The following ARL15 variants were observed in gnomAD, a reference collection of about 807,000 sequenced individuals.
ARL15 encodes ARF like GTPase 15.
Under a neutral mutation model 25.2 loss-of-function variants are expected in ARL15, and 19 were observed. That is an observed-to-expected ratio of 0.75 (90% CI 0.53 to 1.10). ARL15 has a LOEUF of 1.10. Ranked by LOEUF, ARL15 falls within the 50% of genes least tolerant of loss-of-function variation. The pLI, the probability that ARL15 is intolerant of heterozygous loss-of-function variation, is 0.00. For missense variants in ARL15, 220 were observed against 246.0 expected, an observed-to-expected ratio of 0.89 and a Z score of 0.71; for synonymous variants, 94 against 86.8, an observed-to-expected ratio of 1.08 and a Z score of -0.46.
At position 54,079,603 on chromosome 5, in the gene ARL15, T is replaced by C. The variant is rs150518967; in HGVS notation, c.462+33599A>G. 4.2e-3 allele frequency among the ~76,000 whole-genome samples: 632 copies of C among 152,214 alleles called. 4 individuals carry two copies. The highest frequency in any genetic ancestry group is 0.014 in the African/African-American group (591 of 41,532). ...AAGATAGATAGATACCTGTAGAAAA[T>C]TGGGCAGTGAGTACAGGCAGTGATG... On this transcript the variant is annotated intron_variant, in intron 4 of 4. Transcript: ENST00000504924.
At chr5:53,889,342 T>A (rs1042573159) in intron 4 of ARL15, among the ~76,000 whole-genome samples, 4 of 152,210 alleles carry the variant, frequency 2.6e-5, no homozygotes, top group African/African-American at 9.7e-5. Flanking sequence ...AGCTACCTGT[T>A]AAAGGTTGGT....
At chr5:54,129,190 G>A (rs1046947553) in intron 3 of ARL15, among the ~76,000 whole-genome samples, 4 of 152,080 alleles carry the variant, frequency 2.6e-5, no homozygotes, top group African/African-American at 9.7e-5. Flanking sequence ...ATCTAAATCT[G>A]AACATTGATA....
chr5:54,261,134 C>G (rs1365441964), intron 1 of ARL15, among the ~76,000 whole-genome samples: 1 of 152,072 alleles, frequency 6.6e-6, no homozygotes, highest in Non-Finnish European at 1.5e-5. Flanking sequence ...CTTGTAGACC[C>G]AGTAAGAGAC....
At chr5:54,268,006 T>C (rs1413796740) in intron 1 of ARL15, among the ~76,000 whole-genome samples, 2 of 151,918 alleles carry the variant, frequency 1.3e-5, no homozygotes, top group Non-Finnish European at 2.9e-5. Flanking sequence ...TGAATCTGAA[T>C]GTTGGCCTGC....
chr5:53,964,446 G>A (rs1329010344), intron 4 of ARL15, among the ~76,000 whole-genome samples: 4 of 151,810 alleles, frequency 2.6e-5, no homozygotes, highest in African/African-American at 9.7e-5. Flanking sequence ...TGCATGCTCC[G>A]CCTCCCGGGT....
At chr5:53,909,333 A>G (rs945840567) in intron 4 of ARL15, among the ~76,000 whole-genome samples, 9 of 152,236 alleles carry the variant, frequency 5.9e-5, no homozygotes, top group Admixed American at 6.5e-5. Context: ...TAACTTTTAT[A>G]TATCTTTATG....
chr5:54,156,870 A>T (rs1214912610), intron 2 of ARL15, among the ~76,000 whole-genome samples: 2 of 152,192 alleles, frequency 1.3e-5, no homozygotes, highest in Admixed American at 1.3e-4. Flanking sequence ...GCCTGCAGGA[A>T]AGCCTCTCCA....
chr5:54,188,554 A>G (rs1755303739), intron 1 of ARL15, among the ~76,000 whole-genome samples: 1 of 113,528 alleles, frequency 8.8e-6, no homozygotes, highest in African/African-American at 3.5e-5. Context: ...CATGGACAGT[A>G]TTTGCCAGAG....
intron 4 of ARL15, among the ~76,000 whole-genome samples, chr5:53,996,611 T>C (rs1358669586): frequency 1.8e-5 from 2 of 112,980 alleles, no homozygotes; most frequent in African/African-American, 8.1e-5. Flanking sequence ...AGAGTGAGAC[T>C]GTCTCATAAA....
chr5:53,940,939 A>G, intron 4 of ARL15, among the ~76,000 whole-genome samples: 1 of 152,202 alleles, frequency 6.6e-6, no homozygotes, highest in Non-Finnish European at 1.5e-5. Context: ...CTTTTACAAG[A>G]AAAATATTTA....
chr5:53,934,527 C>A (rs780794428), intron 4 of ARL15, among the ~76,000 whole-genome samples: 1 of 152,176 alleles, frequency 6.6e-6, no homozygotes, highest in Non-Finnish European at 1.5e-5. Flanking sequence ...ACATTAAACT[C>A]TTACCACTAG....
chr5:54,292,562 T>A (rs903469581), intron 1 of ARL15, among the ~76,000 whole-genome samples: 1 of 152,170 alleles, frequency 6.6e-6, no homozygotes, highest in Non-Finnish European at 1.5e-5. Context: ...CAGTTTGCAT[T>A]TCTGAGGGCA....
intron 1 of ARL15, among the ~76,000 whole-genome samples, chr5:54,277,624 C>T (rs1008638849): frequency 1.8e-4 from 27 of 152,058 alleles, no homozygotes; most frequent in Non-Finnish European, 2.6e-4. Flanking sequence ...TGGTGGCGGG[C>T]GCCTGTAGTC....
intron 1 of ARL15, among the ~76,000 whole-genome samples, chr5:54,179,276 G>A (rs1579879001): frequency 6.6e-6 from 1 of 152,118 alleles, no homozygotes. Context: ...TTCGAGCCAG[G>A]GTTATTCCAC....
intron 1 of ARL15, among the ~76,000 whole-genome samples, chr5:54,190,051 A>C (rs1019711756): frequency 6.6e-6 from 1 of 152,188 alleles, no homozygotes; most frequent in Non-Finnish European, 1.5e-5. Context: ...AATTAAGTAC[A>C]TGAAAAGATG....
chr5:54,183,631 A>T (rs571202053), intron 1 of ARL15, among the ~76,000 whole-genome samples: 1 of 151,638 alleles, frequency 6.6e-6, no homozygotes, highest in Admixed American at 6.6e-5. Flanking sequence ...GAGAAATAGG[A>T]ACACTCTTAC....
At chr5:53,933,969 T>C (rs920653741) in intron 4 of ARL15, among the ~76,000 whole-genome samples, 1 of 152,218 alleles carries the variant, frequency 6.6e-6, no homozygotes, top group Non-Finnish European at 1.5e-5. Flanking sequence ...TCAGTCACTA[T>C]TGGTAAAATA....
chr5:53,914,990 T>C (rs1580075436), intron 4 of ARL15, among the ~76,000 whole-genome samples: 1 of 152,170 alleles, frequency 6.6e-6, no homozygotes, highest in African/African-American at 2.4e-5. Context: ...TTTGTATTTT[T>C]AGTAGAGACG....
chr5:53,909,642 G>C (rs1048390848), intron 4 of ARL15, among the ~76,000 whole-genome samples: 2 of 152,222 alleles, frequency 1.3e-5, no homozygotes, highest in African/African-American at 4.8e-5. Flanking sequence ...GTAGGCGGAG[G>C]CTGTGGTGAG....
Sources: gnomAD v4.1 joint callset for allele counts (sites outside exome capture counted in the v4.1 genomes callset) on GRCh38, gnomAD v4.1.1 for gene constraint, MANE v1.5 for transcripts, NCBI Gene and HGNC (gene_info 2026-07-23, HGNC 2026-07-21) for gene names.